Variants in ENAH observed in about 807,000 individuals in gnomAD.
The protein encoded by ENAH is ENAH actin regulator, also known as protein enabled homolog.
A neutral mutation model predicts 78.7 loss-of-function variants in ENAH; 23 were observed. The ratio of observed to expected loss-of-function variants is 0.29; its 90% confidence interval spans 0.21 to 0.41. ENAH has a LOEUF of 0.41. Among genes scored for constraint, ENAH ranks in the 10% least tolerant of loss-of-function variants. The probability of loss-of-function intolerance (pLI) is 1.00; values close to 1 mark genes in which losing one functional copy is unlikely to be tolerated. For missense variants in ENAH, 544 were observed against 691.0 expected (o/e 0.79, Z 2.39); for synonymous variants, 226 against 241.0 (o/e 0.94, Z 0.58).
intron 1 of ENAH, among the ~76,000 whole-genome samples, chr1:225,611,475 C>A (rs10915849): frequency 6.6e-6 from 1 of 151,894 alleles, no homozygotes; most frequent in African/African-American, 2.4e-5. Context: ...TGCATCACCA[C>A]GCCCAGCTAA....
intron 1 of ENAH, among the ~76,000 whole-genome samples, chr1:225,594,034 G>T (rs181606282): frequency 5.4e-4 from 82 of 152,212 alleles, no homozygotes; most frequent in African/African-American, 2.0e-3. Flanking sequence ...TTTTCAATCT[G>T]CCTTAGGAAG....
At chr1:225,538,217 T>C (rs1379335976) in intron 3 of ENAH, among the ~76,000 whole-genome samples, 4 of 152,120 alleles carry the variant, frequency 2.6e-5, no homozygotes, top group Admixed American at 1.3e-4. Context: ...TGCAAAGTTC[T>C]ACGCAATACA....
chr1:225,503,675 AAAACAC>A (rs1476657494), intron 11 of ENAH, among the ~76,000 whole-genome samples: 4 of 148,600 alleles, frequency 2.7e-5, no homozygotes, highest in South Asian at 2.1e-4. Flanking sequence ...AAAAAAAAAA[AAAACAC>A]AAAACTATTT....
intron 1 of ENAH, among the ~76,000 whole-genome samples, chr1:225,641,469 T>TAA (rs76444455): frequency 5.4e-4 from 28 of 52,126 alleles, no homozygotes; most frequent in African/African-American, 9.1e-4. Flanking sequence ...ACTCCATCTC[T>TAA]AAAAAAAAAA....
intron 9 of ENAH, 129 bp downstream of exon 9, chr1:225,512,528 G>T: frequency 1.1e-6 from 1 of 922,104 alleles, no homozygotes; most frequent in Non-Finnish European, 1.6e-6. Context: ...CACATGCATA[G>T]TTAAAAATTA....
intron 1 of ENAH, among the ~76,000 whole-genome samples, chr1:225,612,923 T>C (rs1418619241): frequency 6.6e-6 from 1 of 152,170 alleles, no homozygotes; most frequent in Non-Finnish European, 1.5e-5. Context: ...ACAAAATTAA[T>C]TGTGTCAACA....
At chr1:225,501,604 ATAT>A (rs1451861255) in intron 11 of ENAH, among the ~76,000 whole-genome samples, 4 of 152,204 alleles carry the variant, frequency 2.6e-5, no homozygotes, top group African/African-American at 9.7e-5. Context: ...TGCTTTATAC[ATAT>A]TATTCCATTT....
rs1269772408 is a variant in ENAH at position 225,519,382 on chromosome 1, C to T, written c.618G>A (p.Arg206=). The change falls in exon 5 of 14, where the codon CGG becomes CGA. Residue 206 remains arginine, a synonymous_variant. Transcript: ENST00000366843. The part of the protein sequence containing the change: ...QERERQERLE[R]QERLERQERL... Reference sequence around the variant, plus strand: ...GTTCCTGCCGCTCCAGGCGTTCCTGCCGCTCCAGGCGTTCCTGCCGTTCCC... The same window carrying T: ...GTTCCTGCCGCTCCAGGCGTTCCTGTCGCTCCAGGCGTTCCTGCCGTTCCC... The T allele has an allele frequency of 1.9e-6, 3 of 1,612,630 alleles. No homozygotes were observed. The highest frequency in any genetic ancestry group is 1.3e-5 in the African/African-American group (1 of 74,920).
chr1:225,609,255 T>G (rs967952108), intron 1 of ENAH, among the ~76,000 whole-genome samples: 1 of 152,106 alleles, frequency 6.6e-6, no homozygotes, highest in Non-Finnish European at 1.5e-5. Context: ...TTTAGTAGTA[T>G]AGTCTGAGCT....
chr1:225,640,394 A>C (rs1486990838), intron 1 of ENAH, among the ~76,000 whole-genome samples: 1 of 152,186 alleles, frequency 6.6e-6, no homozygotes, highest in African/African-American at 2.4e-5. Flanking sequence ...GTTCTAGGTC[A>C]ATTCATCCTA....
chr1:225,547,110 C>T (rs916412042), intron 3 of ENAH, among the ~76,000 whole-genome samples: 1 of 150,706 alleles, frequency 6.6e-6, no homozygotes, highest in African/African-American at 2.5e-5. Flanking sequence ...CTCACTCTGT[C>T]GCCCAGGCTG....
chr1:225,498,717 C>G (rs752869963), intron 12 of ENAH, among the ~76,000 whole-genome samples: 2 of 152,186 alleles, frequency 1.3e-5, no homozygotes, highest in Non-Finnish European at 2.9e-5. Context: ...TGCTTTTAAT[C>G]TAGTCCTCTG....
At chr1:225,567,606 A>G (rs979126221) in intron 1 of ENAH, among the ~76,000 whole-genome samples, 192 bp from the exon 2 acceptor site, 3 of 152,142 alleles carry the variant, frequency 2.0e-5, no homozygotes, top group African/African-American at 7.2e-5. Context: ...CAAAAAAAAT[A>G]AAGTATAATT....
chr1:225,526,992 G>C (rs938512422), intron 4 of ENAH, among the ~76,000 whole-genome samples: 5 of 152,254 alleles, frequency 3.3e-5, no homozygotes, highest in African/African-American at 7.2e-5. Flanking sequence ...CAACATCTCT[G>C]TCTTCTCTTG....
chr1:225,528,702 G>A (rs1239029633), intron 4 of ENAH, among the ~76,000 whole-genome samples: 5 of 152,090 alleles, frequency 3.3e-5, no homozygotes, highest in Non-Finnish European at 1.5e-5. Context: ...GACAGAAAGG[G>A]TAGGAGTTAT....
chr1:225,574,012 A>G (rs777875127), intron 1 of ENAH, among the ~76,000 whole-genome samples: 1 of 152,210 alleles, frequency 6.6e-6, no homozygotes, highest in Non-Finnish European at 1.5e-5. Flanking sequence ...AAAGAGAATT[A>G]GCATCACGTC....
At chr1:225,532,458 A>G (rs2096542683) in intron 3 of ENAH, among the ~76,000 whole-genome samples, 1 of 152,128 alleles carries the variant, frequency 6.6e-6, no homozygotes, top group African/African-American at 2.4e-5. Context: ...CCTGTTTGGC[A>G]TCTACCTCAA....
intron 3 of ENAH, among the ~76,000 whole-genome samples, chr1:225,547,024 T>C (rs540864088): frequency 6.6e-6 from 1 of 152,276 alleles, no homozygotes; most frequent in African/African-American, 2.4e-5. Flanking sequence ...TTCAAACATA[T>C]ATGATACTTT....
rs753259587 is a variant in ENAH at position 225,519,478 on chromosome 1, C to T, written c.522G>A (p.Glu174=). 2 of 1,610,904 alleles carry T rather than the reference C, an allele frequency of 1.2e-6. No individual in the cohort carries two copies. Among genetic ancestry groups the T allele is most frequent in the South Asian group, 2.2e-5 (2 of 90,932 alleles). Residue 174 remains glutamate (E), a synonymous_variant, in exon 5 of 14, where the codon GAG becomes GAA. Coordinates refer to ENST00000366843, the MANE Select transcript of ENAH (RefSeq NM_018212.6). ...ERMERERLER[E]RLERERLERE... is the part of the protein sequence containing the mutation. ...TCTCCAGCCTTTCCCTTTCTAACCTCTCTCTCTCCAACCTTTCTCTTTCCA... is the reference window on the plus strand; with the variant it reads ...TCTCCAGCCTTTCCCTTTCTAACCTTTCTCTCTCCAACCTTTCTCTTTCCA...
Sources: gnomAD v4.1 joint callset for allele counts (sites outside exome capture counted in the v4.1 genomes callset) on GRCh38, gnomAD v4.1.1 for gene constraint, MANE v1.5 for transcripts, NCBI Gene and HGNC (gene_info 2026-07-23, HGNC 2026-07-21) for gene names.